Variants in TEX14 observed in about 807,000 individuals in gnomAD.
TEX14 encodes the protein testis expressed 14, intercellular bridge forming factor.
In TEX14, 168 loss-of-function variants were observed where a neutral mutation model predicts 178.6. The observed-to-expected ratio is 0.94, with a 90% confidence interval of 0.83 to 1.07. The LOEUF (loss-of-function observed/expected upper bound fraction) is 1.07, where lower values mean the gene tolerates loss of function less well. Ranked by LOEUF, TEX14 falls within the 50% of genes least tolerant of loss-of-function variation. The pLI, the probability that TEX14 is intolerant of heterozygous loss-of-function variation, is 0.00. For missense variants in TEX14, 1,730 were observed against 1,753.6 expected (o/e 0.99, Z 0.24); for synonymous variants, 626 against 634.1 (o/e 0.99, Z 0.19).
chr17:58,679,135 C>T lies in TEX14; in HGVS notation c.-2+12804G>A, dbSNP rs139560371. ...CGCCATTGTACTCCAGCCTGGGCTA[C>T]AAGAGCGAAACGCCGTCTCCAAGAA... On this transcript the variant is annotated intron_variant, in intron 1 of 31. Transcript: ENST00000349033. Among the ~76,000 whole-genome samples the T allele has an allele frequency of 1.8e-3, 271 of 152,008 alleles. 4 individuals are homozygous for T. The highest frequency in any genetic ancestry group is 5.1e-3 in the Admixed American group (78 of 15,244).
At chr17:58,659,304 A>C (rs1012774244) in intron 1 of TEX14, 2 of 972,678 alleles carry the variant, frequency 2.1e-6, no homozygotes, top group Non-Finnish European at 2.4e-6. Flanking sequence ...CCACAAAGAC[A>C]TTATTTACTT....
intron 18 of TEX14, 128 bp downstream of exon 18, chr17:58,585,673 C>A: frequency 3.9e-6 from 2 of 515,856 alleles, no homozygotes; most frequent in South Asian, 4.1e-5. Context: ...CCAGGCTGGT[C>A]CCAAATTCCT....
chr17:58,661,995 A>T (rs2047122355), intron 1 of TEX14, among the ~76,000 whole-genome samples: 1 of 151,912 alleles, frequency 6.6e-6, no homozygotes. Flanking sequence ...CTTTGCCAAG[A>T]TTCAAGTATC....
At chr17:58,678,287 A>C (rs2047429129) in intron 1 of TEX14, among the ~76,000 whole-genome samples, 1 of 152,192 alleles carries the variant, frequency 6.6e-6, no homozygotes, top group Admixed American at 6.5e-5. Context: ...AGGATCTAGA[A>C]CTAGAAATAC....
chr17:58,634,424 C>T (rs1348775891), intron 2 of TEX14, among the ~76,000 whole-genome samples: 1 of 151,988 alleles, frequency 6.6e-6, no homozygotes, highest in Non-Finnish European at 1.5e-5. Context: ...AATTAAAAAA[C>T]AAAGAAAGAA....
chr17:58,636,837 C>T (rs184897167), intron 2 of TEX14, among the ~76,000 whole-genome samples: 3 of 151,630 alleles, frequency 2.0e-5, no homozygotes, highest in African/African-American at 4.8e-5. Context: ...TTCTTGAACT[C>T]GGGAGGCAGA....
At chr17:58,647,038 T>C (rs145445311) in intron 2 of TEX14, among the ~76,000 whole-genome samples, 1,871 of 151,942 alleles carry the variant, frequency 0.012, 12 homozygotes, top group Middle Eastern at 0.037. Flanking sequence ...CCCGAGTAGC[T>C]GGGATTACAG....
intron 1 of TEX14, among the ~76,000 whole-genome samples, chr17:58,686,860 C>CTTTT: frequency 7.3e-6 from 1 of 136,824 alleles, no homozygotes; most frequent in African/African-American, 2.7e-5. Context: ...TGAAAGGTCA[C>CTTTT]CTTTTTTTTT....
At chr17:58,631,519 A>G (rs2046289174) in intron 2 of TEX14, 3 of 152,090 alleles carry the variant, frequency 2.0e-5, no homozygotes, top group Admixed American at 6.6e-5. Context: ...CCTAAGTTAA[A>G]ATATATGCAT....
At chr17:58,577,167 AG>A (rs2044698602) in intron 21 of TEX14, among the ~76,000 whole-genome samples, 1 of 152,244 alleles carries the variant, frequency 6.6e-6, no homozygotes, top group South Asian at 2.1e-4. Flanking sequence ...ATGAACAGAA[AG>A]TCAGAGTCAG....
intron 14 of TEX14, among the ~76,000 whole-genome samples, chr17:58,597,865 C>A (rs1464319224): frequency 6.6e-6 from 1 of 152,146 alleles, no homozygotes; most frequent in African/African-American, 2.4e-5. Flanking sequence ...AGGAAACTCA[C>A]GGAGGAGCCT....
intron 3 of TEX14, among the ~76,000 whole-genome samples, chr17:58,626,807 G>T (rs2046155196): frequency 6.6e-6 from 1 of 152,062 alleles, no homozygotes; most frequent in Non-Finnish European, 1.5e-5. Context: ...GGAAGCAGAG[G>T]TTGCAGTGAG....
chr17:58,668,472 G>C (rs1485918502), intron 1 of TEX14, among the ~76,000 whole-genome samples: 2 of 152,194 alleles, frequency 1.3e-5, no homozygotes, highest in Non-Finnish European at 2.9e-5. Flanking sequence ...ACTGTCTACT[G>C]AATCATCTTA....
At chr17:58,563,652 TATATATAGAG>T (rs1169157169) in intron 28 of TEX14, among the ~76,000 whole-genome samples, 10 of 22,504 alleles carry the variant, frequency 4.4e-4, no homozygotes, top group Non-Finnish European at 6.2e-4. Context: ...TATATATATA[TATATATAGAG>T]AGAGAGAGAG....
chr17:58,678,373 C>T (rs950004520), intron 1 of TEX14, among the ~76,000 whole-genome samples: 13 of 152,078 alleles, frequency 8.5e-5, no homozygotes, highest in Non-Finnish European at 1.6e-4. Context: ...GACACATGCA[C>T]GTGTATGCTT....
chr17:58,616,127 CT>C (rs745340608), intron 7 of TEX14, 47 bp downstream of exon 7: 6 of 1,577,908 alleles, frequency 3.8e-6, no homozygotes, highest in Non-Finnish European at 5.2e-6. Context: ...GCAGCCCACT[CT>C]TCCCCTGAAA....
Position 58,559,519 on chromosome 17 carries a change from T to G in TEX14, c.4201A>C (p.Lys1401Gln), listed in dbSNP as rs1213785318. The G allele has an allele frequency of 6.3e-7, 1 of 1,579,856 alleles. No homozygotes were observed. Among genetic ancestry groups the G allele is most frequent in the Admixed American group, 1.7e-5 (1 of 59,908 alleles). ...TCTGGTGTAATGCTATCTTCCCTTT[T>G]TCTTTTCTCTTCACCAACTTTTTGA... The part of the protein sequence containing the change: ...KDQKVGEEKR[K>Q]REDSITPERR... Residue 1401 changes from lysine to glutamine, a missense_variant, in exon 30 of 32, where the codon AAA becomes CAA. Lys to Gln is a moderately conservative substitution (Grantham distance 53, BLOSUM62 1). This residue lies in a region of TEX14 where 941 missense variants were observed against 1,072.4 expected (regional missense o/e 0.88). Transcript: ENST00000349033.
At chr17:58,659,375 A>T in intron 1 of TEX14, 1 of 978,818 alleles carries the variant, frequency 1.0e-6, no homozygotes, top group Non-Finnish European at 1.2e-6. Context: ...AAATTGTATT[A>T]TGAGTTGTTT....
At chr17:58,623,638 T>C (rs1323269596) in intron 3 of TEX14, among the ~76,000 whole-genome samples, 1 of 152,122 alleles carries the variant, frequency 6.6e-6, no homozygotes, top group African/African-American at 2.4e-5. Context: ...GAGGATATGA[T>C]GTATAGCCTT....
Sources: gnomAD v4.1 joint callset for allele counts (sites outside exome capture counted in the v4.1 genomes callset) on GRCh38, gnomAD v4.1.1 for gene constraint, gnomAD v4.1.1 regional missense constraint, MANE v1.5 for transcripts, NCBI Gene and HGNC (gene_info 2026-07-23, HGNC 2026-07-21) for gene names.